Variants in ST6GAL1 observed in about 807,000 individuals in gnomAD.
ST6GAL1 encodes beta-galactoside alpha-2,6-sialyltransferase 1.
In ST6GAL1, 20 loss-of-function variants were observed where a neutral mutation model predicts 38.0. That is an observed-to-expected ratio of 0.53 (90% CI 0.37 to 0.77). ST6GAL1 has a LOEUF of 0.77. ST6GAL1 is among the 30% of genes least tolerant of loss of function. The probability of loss-of-function intolerance (pLI) is 0.00; values close to 1 mark genes in which losing one functional copy is unlikely to be tolerated. For missense variants in ST6GAL1, 432 were observed against 496.4 expected (o/e 0.87, Z 1.23); for synonymous variants, 196 against 188.2 (o/e 1.04, Z -0.34).
At chr3:186,976,360 G>A (rs1347665774) in intron 2 of ST6GAL1, among the ~76,000 whole-genome samples, 1 of 152,298 alleles carries the variant, frequency 6.6e-6, no homozygotes, top group East Asian at 1.9e-4. Context: ...GAAGATTGAA[G>A]TCCATTTACT....
At chr3:186,985,484 T>C (rs1216959111) in intron 2 of ST6GAL1, among the ~76,000 whole-genome samples, 2 of 151,798 alleles carry the variant, frequency 1.3e-5, no homozygotes, top group Non-Finnish European at 2.9e-5. Context: ...TAAAAGTTTT[T>C]GAAAGGATAT....
At chr3:186,932,468 T>C (rs1236918460) in intron 1 of ST6GAL1, among the ~76,000 whole-genome samples, 1 of 152,268 alleles carries the variant, frequency 6.6e-6, no homozygotes, top group Non-Finnish European at 1.5e-5. Context: ...CTTTCAAGAA[T>C]TCTTTATTCT....
chr3:186,993,654 C>T (rs769512195), intron 2 of ST6GAL1, among the ~76,000 whole-genome samples: 11 of 151,260 alleles, frequency 7.3e-5, no homozygotes, highest in Non-Finnish European at 1.5e-4. Flanking sequence ...GCCTTAAAGC[C>T]CTTCTTTCCA....
chr3:187,035,541 G>T (rs1285811711), intron 2 of ST6GAL1, among the ~76,000 whole-genome samples: 1 of 152,120 alleles, frequency 6.6e-6, no homozygotes, highest in African/African-American at 2.4e-5. Flanking sequence ...GCATGGTACT[G>T]GTACCAAAAC....
rs57175575 is a variant in ST6GAL1 at position 187,062,574 on chromosome 3, T to TCACACACACACACACACACA, written c.706-10262_706-10243dup. Among the ~76,000 whole-genome samples the TCACACACACACACACACACA allele has an allele frequency of 7.4e-3, 1,065 of 143,870 alleles. 18 individuals carry two copies. The highest frequency in any genetic ancestry group is 0.015 in the East Asian group (74 of 4,850). 94.4% of individuals were successfully genotyped at this position (143,870 alleles called of 152,430 possible). On this transcript the variant is annotated intron_variant, in intron 5 of 7. Coordinates refer to ENST00000169298, the MANE Select transcript of ST6GAL1 (RefSeq NM_173216.2). ...CATTATGCCAAGTGAAATAAGCCAG[T>TCACACACACACACACACACA]CACACACACACACACACACACACAC... is the stretch of plus-strand genomic sequence containing the variant.
chr3:187,000,527 A>ACTT (rs1248128010), intron 2 of ST6GAL1, among the ~76,000 whole-genome samples: 2 of 152,054 alleles, frequency 1.3e-5, no homozygotes, highest in Non-Finnish European at 2.9e-5. Flanking sequence ...TTGCCATTGC[A>ACTT]CTCCAGCCTG....
chr3:187,008,771 T>C (rs1716863462), intron 2 of ST6GAL1, among the ~76,000 whole-genome samples: 1 of 152,216 alleles, frequency 6.6e-6, no homozygotes, highest in African/African-American at 2.4e-5. Context: ...CATGGGTAAC[T>C]ACAAACTACT....
At chr3:187,014,384 GCC>G (rs1560162910) in intron 2 of ST6GAL1, among the ~76,000 whole-genome samples, 1 of 152,104 alleles carries the variant, frequency 6.6e-6, no homozygotes, top group Non-Finnish European at 1.5e-5. Context: ...TTTTTTCTGG[GCC>G]CACCGTTTTG....
intron 2 of ST6GAL1, among the ~76,000 whole-genome samples, chr3:187,012,834 T>A (rs2108559785): frequency 6.6e-6 from 1 of 152,222 alleles, no homozygotes; most frequent in South Asian, 2.1e-4. Context: ...GTGCGGTGAG[T>A]TTGGCCTGTT....
intron 3 of ST6GAL1, among the ~76,000 whole-genome samples, 185 bp downstream of exon 3, chr3:187,039,058 G>A (rs1465159485): frequency 2.0e-5 from 3 of 152,188 alleles, no homozygotes; most frequent in African/African-American, 7.2e-5. Flanking sequence ...ATTGGGGGGT[G>A]TAGAGAAATG....
chr3:187,003,253 T>C (rs751875037), intron 2 of ST6GAL1, among the ~76,000 whole-genome samples: 1 of 152,216 alleles, frequency 6.6e-6, no homozygotes, highest in Non-Finnish European at 1.5e-5. Context: ...CTCTTACCTG[T>C]GGGAAGGTCA....
chr3:187,029,648 C>G (rs988748559), intron 2 of ST6GAL1, among the ~76,000 whole-genome samples: 1 of 152,138 alleles, frequency 6.6e-6, no homozygotes, highest in Non-Finnish European at 1.5e-5. Context: ...TTAGGGATCG[C>G]GAACTTGAAG....
At chr3:187,011,036 A>T (rs1716940282) in intron 2 of ST6GAL1, among the ~76,000 whole-genome samples, 2 of 152,158 alleles carry the variant, frequency 1.3e-5, no homozygotes, top group South Asian at 4.1e-4. Flanking sequence ...AATTCGTCTC[A>T]AAGTGTGGCG....
At chr3:187,063,548 C>T (rs1718992493) in intron 5 of ST6GAL1, among the ~76,000 whole-genome samples, 1 of 152,164 alleles carries the variant, frequency 6.6e-6, no homozygotes, top group East Asian at 1.9e-4. Context: ...CTGTTTGATA[C>T]ATGGATGGTA....
Position 186,963,766 on chromosome 3 carries a change from GT to G in ST6GAL1, c.-324-13del, listed in dbSNP as rs1715007175. ...TCTGGTGAAACTTTGCTTTGTTGTT[GT>G]TTTTTAACCCTCTGCAGGCAAGGGG... On this transcript the variant is annotated intron_variant, in intron 1 of 7. Transcript: ENST00000169298. 2.0e-5 allele frequency: 3 copies of G among 152,278 alleles called. No individual in the cohort carries two copies. The highest frequency in any genetic ancestry group is 2.0e-4 in the Admixed American group (3 of 15,278). The allele number at this position is 152,278 out of a possible 1,614,324, so 9.4% of individuals were successfully genotyped here.
At chr3:187,066,495 G>T (rs761135873) in intron 5 of ST6GAL1, among the ~76,000 whole-genome samples, 2 of 151,952 alleles carry the variant, frequency 1.3e-5, no homozygotes, top group Non-Finnish European at 2.9e-5. Flanking sequence ...TTCAACATAG[G>T]AATTCTGGGG....
chr3:187,031,342 C>A (rs772983434), intron 2 of ST6GAL1, among the ~76,000 whole-genome samples: 4 of 152,190 alleles, frequency 2.6e-5, no homozygotes, highest in South Asian at 2.1e-4. Context: ...AATTATTTAT[C>A]TTCCCTGTCT....
intron 5 of ST6GAL1, among the ~76,000 whole-genome samples, chr3:187,061,374 G>A (rs1443685712): frequency 2.6e-5 from 4 of 152,086 alleles, no homozygotes; most frequent in Non-Finnish European, 1.5e-5. Flanking sequence ...AATAGAAAAA[G>A]CTATCCTAAA....
chr3:186,970,125 G>T (rs1242978789), intron 2 of ST6GAL1, among the ~76,000 whole-genome samples: 1 of 151,946 alleles, frequency 6.6e-6, no homozygotes, highest in Non-Finnish European at 1.5e-5. Flanking sequence ...TACAACATGT[G>T]TATAGTTTGT....
Sources: allele counts gnomAD v4.1 joint callset (sites outside exome capture counted in the v4.1 genomes callset), GRCh38; gene constraint gnomAD v4.1.1; transcripts MANE v1.5; gene names NCBI Gene and HGNC (gene_info 2026-07-23, HGNC 2026-07-21).